Variants in DPYD observed in about 807,000 individuals in gnomAD.
The protein encoded by DPYD is dihydropyrimidine dehydrogenase [NADP(+)].
In DPYD, 109 loss-of-function variants were observed where a neutral mutation model predicts 116.2. That is an observed-to-expected ratio of 0.94 (90% confidence interval 0.80 to 1.10). The LOEUF (loss-of-function observed/expected upper bound fraction) is 1.10. Among genes scored for constraint, DPYD ranks in the 50% least tolerant of loss-of-function variants. The pLI is 0.00. For missense variants in DPYD, 1,302 were observed against 1,254.5 expected (o/e 1.04, Z -0.57); for synonymous variants, 440 against 432.0 (o/e 1.02, Z -0.23).
chr1:97,605,245 T>G (rs917182127), intron 8 of DPYD, among the ~76,000 whole-genome samples: 14 of 152,220 alleles, frequency 9.2e-5, no homozygotes, highest in Middle Eastern at 6.8e-3. Flanking sequence ...TATCGATATG[T>G]GATATGGTTT....
intron 8 of DPYD, among the ~76,000 whole-genome samples, chr1:97,628,918 C>T (rs1657094663): frequency 6.6e-6 from 1 of 151,888 alleles, no homozygotes; most frequent in African/African-American, 2.4e-5. Context: ...AACTAGATAC[C>T]TTGAGTTCAA....
intron 13 of DPYD, among the ~76,000 whole-genome samples, chr1:97,451,105 T>C (rs1202557888): frequency 1.3e-5 from 2 of 152,184 alleles, no homozygotes; most frequent in Non-Finnish European, 2.9e-5. Flanking sequence ...TTTAGTAAGA[T>C]AACATGAACC....
intron 20 of DPYD, among the ~76,000 whole-genome samples, chr1:97,116,571 C>T (rs2101634540): frequency 6.6e-6 from 1 of 152,064 alleles, no homozygotes; most frequent in Admixed American, 6.6e-5. Flanking sequence ...ACTCGGAAGG[C>T]TGAGGTGGAA....
chr1:97,902,202 T>G (rs1334191392), intron 1 of DPYD, among the ~76,000 whole-genome samples: 1 of 151,742 alleles, frequency 6.6e-6, no homozygotes, highest in Non-Finnish European at 1.5e-5. Flanking sequence ...ATGCGCCTAG[T>G]GAAGTAAAAG....
intron 1 of DPYD, among the ~76,000 whole-genome samples, chr1:97,910,658 A>C (rs1673889406): frequency 6.6e-6 from 1 of 152,068 alleles, no homozygotes; most frequent in African/African-American, 2.4e-5. Context: ...TCCAGAGTCT[A>C]TACTCTTAAC....
rs181797035 is a variant in DPYD, at chr1:97,121,864, C to T, written c.2623-23232G>A. On this transcript the variant is annotated intron_variant, in intron 20 of 22. Coordinates refer to ENST00000370192, the MANE Select transcript of DPYD (RefSeq NM_000110.4). ...TGTAAGCAAAGTAATTCAATGAGGGCCATTATAGCATAGGTACCATGCTTG... is the reference window on the plus strand; with the variant it reads ...TGTAAGCAAAGTAATTCAATGAGGGTCATTATAGCATAGGTACCATGCTTG... Among the ~76,000 whole-genome samples the T allele has an allele frequency of 3.0e-3, 454 of 152,208 alleles. 1 individual carries two copies. Among genetic ancestry groups the T allele is most frequent in the African/African-American group, 0.01 (432 of 41,554 alleles).
chr1:97,099,847 C>G (rs1437004147), intron 20 of DPYD, among the ~76,000 whole-genome samples: 2 of 152,030 alleles, frequency 1.3e-5, no homozygotes, highest in African/African-American at 4.8e-5. Flanking sequence ...GTAAGCTAAA[C>G]TTAAACCATG....
intron 8 of DPYD, among the ~76,000 whole-genome samples, chr1:97,609,820 GA>G (rs907655238): frequency 6.6e-6 from 1 of 151,798 alleles, no homozygotes; most frequent in Non-Finnish European, 1.5e-5. Context: ...TTATTCATAA[GA>G]AAGAAAAAAA....
At chr1:97,422,872 T>C (rs983431187) in intron 14 of DPYD, among the ~76,000 whole-genome samples, 1 of 152,010 alleles carries the variant, frequency 6.6e-6, no homozygotes, top group Non-Finnish European at 1.5e-5. Context: ...AGTAAATAAA[T>C]AAGTGGCCTG....
At chr1:97,700,077 T>C in intron 5 of DPYD, 2 of 358,802 alleles carry the variant, frequency 5.6e-6, no homozygotes, top group East Asian at 7.5e-5. Context: ...AGTTGAAACA[T>C]TCAAGAACTA....
At chr1:97,292,700 G>A (rs1666280653) in intron 18 of DPYD, among the ~76,000 whole-genome samples, 1 of 134,344 alleles carries the variant, frequency 7.4e-6, no homozygotes, top group African/African-American at 2.8e-5. Context: ...ACACATGCGT[G>A]CACGCGCGCG....
intron 14 of DPYD, among the ~76,000 whole-genome samples, chr1:97,394,744 G>C (rs1672919978): frequency 6.6e-6 from 1 of 152,016 alleles, no homozygotes; most frequent in African/African-American, 2.4e-5. Context: ...AATGAGGTAT[G>C]TCTGTATTGG....
chr1:97,543,086 CAAGACCCAAGAAGATAGCA>C (rs1650575247), intron 12 of DPYD, among the ~76,000 whole-genome samples: 1 of 152,104 alleles, frequency 6.6e-6, no homozygotes, highest in Non-Finnish European at 1.5e-5. Flanking sequence ...TAATCTTCTG[CAAGACCCAAGAAGATAGCA>C]GCTCTAATTA....
intron 1 of DPYD, among the ~76,000 whole-genome samples, chr1:97,916,281 C>T (rs1432545055): frequency 6.6e-6 from 1 of 152,032 alleles, no homozygotes; most frequent in East Asian, 1.9e-4. Context: ...GTGTGCTGCA[C>T]CCAGTAACTC....
chr1:97,911,459 A>G (rs1175063559), intron 1 of DPYD, among the ~76,000 whole-genome samples: 1 of 152,056 alleles, frequency 6.6e-6, no homozygotes, highest in Admixed American at 6.6e-5. Context: ...AAAAATCAAG[A>G]GTCATTTTGG....
rs182964591 is a variant in DPYD at position 97,651,716 on chromosome 1, C to T, written c.850+27379G>A. On this transcript the variant is annotated intron_variant, in intron 8 of 22. Transcript: ENST00000370192. ...TATTATATTTTCTGAATTCAATATG[C>T]TTTATCAGGAGCTAAATCAAACCAG... 4.5e-3 allele frequency among the ~76,000 whole-genome samples: 690 copies of T among 152,172 alleles called. 6 individuals are homozygous for T. The highest frequency in any genetic ancestry group is 0.016 in the African/African-American group (663 of 41,530).
chr1:97,225,922 C>T (rs1661124038), intron 19 of DPYD, among the ~76,000 whole-genome samples: 1 of 151,704 alleles, frequency 6.6e-6, no homozygotes, highest in Admixed American at 6.6e-5. Context: ...AAGCCAAACC[C>T]AGAAAAGGGT....
rs924664337 is a variant in DPYD at position 97,504,276 on chromosome 1, G to A, written c.1740+11450C>T. On this transcript the variant is annotated intron_variant, in intron 13 of 22. Coordinates refer to ENST00000370192, the MANE Select transcript of DPYD (RefSeq NM_000110.4). ...AGTGTCCCACTCTGCTTGATATATC[G>A]AAAAGGTGTGAGTTGTCTGTTGCTA... Among the ~76,000 whole-genome samples, 5 of 151,948 alleles carry A rather than the reference G, an allele frequency of 3.3e-5. No individual in the cohort carries two copies. The East Asian group carries it at 5.8e-4, about 18-fold the overall frequency.
chr1:97,563,876 T>C (rs1197009313), intron 11 of DPYD, among the ~76,000 whole-genome samples: 2 of 152,156 alleles, frequency 1.3e-5, no homozygotes, highest in Non-Finnish European at 2.9e-5. Flanking sequence ...TTAGTTTGGA[T>C]AGTTATTCTG....
Sources: allele counts gnomAD v4.1 joint callset (sites outside exome capture counted in the v4.1 genomes callset), GRCh38; gene constraint gnomAD v4.1.1; transcripts MANE v1.5; gene names NCBI Gene and HGNC (gene_info 2026-07-23, HGNC 2026-07-21).